DYM: variants seen among roughly 807,000 people sequenced by gnomAD.
The protein encoded by DYM is dyggve-Melchior-Clausen syndrome protein.
DYM carries 78 observed loss-of-function variants against 93.1 expected under a neutral mutation model. That is an observed-to-expected ratio of 0.84 (90% CI 0.70 to 1.01). DYM has a LOEUF of 1.01. Ranked by LOEUF, DYM falls within the 50% of genes least tolerant of loss-of-function variation. The probability of loss-of-function intolerance (pLI) is 0.00; values close to 1 mark genes in which losing one functional copy is unlikely to be tolerated. For missense variants in DYM, 789 were observed against 845.0 expected (o/e 0.93, Z 0.82); for synonymous variants, 321 against 319.7 (o/e 1.00, Z -0.04).
At chr18:49,231,025 A>G (rs1032218332) in intron 13 of DYM, among the ~76,000 whole-genome samples, 4 of 152,230 alleles carry the variant, frequency 2.6e-5, no homozygotes, top group Non-Finnish European at 5.9e-5. Context: ...CTAAAAGAAT[A>G]CTATTTTTCT....
rs540426081 is a variant in DYM at position 49,272,302 on chromosome 18, A to C, written c.1127T>G (p.Val376Gly). The change falls in exon 11 of 18, where the codon GTT (valine) becomes GGT (glycine). Residue 376 changes from valine (V) to glycine (G), a missense_variant and splice_region_variant. Physicochemically the swap from Val to Gly is moderately radical, Grantham distance 109 (BLOSUM62 -3). Around this residue, in one of 3 missense-constraint regions of DYM, gnomAD observed 450 missense variants for 436.2 expected, o/e 1.03. Coordinates refer to ENST00000675505, the MANE Select transcript of DYM (RefSeq NM_001353214.3). Reference protein sequence around the residue: ...MLARTDMENLVLPILEILYHV... With the variant: ...MLARTDMENLGLPILEILYHV... ...ATACAGAATCTCAAGAATTGGTAAA[A>C]CCTAGAGAATAAAAATTATAATTGA... 3.3e-6 allele frequency: 5 copies of C among 1,525,746 alleles called. No homozygotes were observed. In the East Asian group the frequency reaches 1.1e-4, roughly 34 times the overall value. The allele number at this position is 1,525,746 out of a possible 1,614,324, so 94.5% of individuals were successfully genotyped here.
chr18:49,133,516 G>A (rs1378741851), intron 15 of DYM, among the ~76,000 whole-genome samples: 2 of 152,232 alleles, frequency 1.3e-5, no homozygotes, highest in African/African-American at 4.8e-5. Flanking sequence ...TTTTCTGGGA[G>A]CTCAGGGAGA....
intron 8 of DYM, among the ~76,000 whole-genome samples, chr18:49,297,564 T>A (rs1020083265): frequency 1.3e-5 from 2 of 152,162 alleles, no homozygotes; most frequent in African/African-American, 4.8e-5. Flanking sequence ...AATAAAAAGT[T>A]TACCATTAAG....
At chr18:49,220,876 A>C (rs2093321923) in intron 13 of DYM, among the ~76,000 whole-genome samples, 1 of 152,244 alleles carries the variant, frequency 6.6e-6, no homozygotes, top group Admixed American at 6.5e-5. Flanking sequence ...CACCAAAAGC[A>C]ATGGCAACAA....
At chr18:49,272,639 C>T (rs1341207438) in intron 10 of DYM, among the ~76,000 whole-genome samples, 5 of 152,058 alleles carry the variant, frequency 3.3e-5, no homozygotes, top group African/African-American at 9.7e-5. Context: ...GTGGGAGTAG[C>T]GGGGAGAGCA....
At chr18:49,240,815 C>T (rs929830978) in intron 13 of DYM, among the ~76,000 whole-genome samples, 2 of 152,162 alleles carry the variant, frequency 1.3e-5, no homozygotes, top group African/African-American at 4.8e-5. Context: ...AGTAGAAGTG[C>T]ATTATGTGAG....
intron 6 of DYM, among the ~76,000 whole-genome samples, chr18:49,342,985 G>A (rs1481990061): frequency 6.6e-6 from 1 of 152,162 alleles, no homozygotes; most frequent in African/African-American, 2.4e-5. Flanking sequence ...ATGAAGCACA[G>A]CTTCAAATGG....
At chr18:49,102,768 G>C (rs1350804274) in intron 16 of DYM, among the ~76,000 whole-genome samples, 8 of 152,142 alleles carry the variant, frequency 5.3e-5, no homozygotes, top group Admixed American at 3.3e-4. Context: ...TGGCTGCATA[G>C]TATTCCATGG....
chr18:49,432,567 T>C (rs2080435612), intron 1 of DYM, among the ~76,000 whole-genome samples: 1 of 151,010 alleles, frequency 6.6e-6, no homozygotes, highest in South Asian at 2.1e-4. Context: ...AAAAATATTA[T>C]GGATTTATTC....
In DYM at chr18:49,129,172, C is replaced by T. The variant is rs190081644; in HGVS notation, c.1729-10246G>A. Among the ~76,000 whole-genome samples, 8 of 151,906 alleles carry T rather than the reference C, an allele frequency of 5.3e-5. No homozygotes were observed. The East Asian group carries it at 1.5e-3, about 29-fold the overall frequency. On this transcript the variant is annotated intron_variant, in intron 15 of 17. Coordinates refer to ENST00000675505, the MANE Select transcript of DYM (RefSeq NM_001353214.3). ...AGCTCCAAGTCCATGGAGAGAAGCT[C>T]CAGATTGGGTTCTAGTCCCAGTTTT...
intron 14 of DYM, among the ~76,000 whole-genome samples, chr18:49,178,575 C>T (rs934602706): frequency 6.6e-6 from 1 of 152,094 alleles, no homozygotes; most frequent in African/African-American, 2.4e-5. Context: ...AATGATGTAT[C>T]ACTTAAAGAT....
At chr18:49,192,122 TGAGACAGA>T (rs2091034181) in intron 14 of DYM, among the ~76,000 whole-genome samples, 1 of 96,724 alleles carries the variant, frequency 1.0e-5, no homozygotes, top group Admixed American at 1.1e-4. Context: ...TTTTTTTTTT[TGAGACAGA>T]GTCTTGCCTA....
chr18:49,419,205 C>T (rs949033017), intron 2 of DYM, among the ~76,000 whole-genome samples: 4 of 151,782 alleles, frequency 2.6e-5, no homozygotes, highest in East Asian at 1.9e-4. Flanking sequence ...TACTAAACTA[C>T]AAAAATTAGC....
chr18:49,356,617 T>C (rs111348643), intron 6 of DYM, among the ~76,000 whole-genome samples: 1,665 of 152,298 alleles, frequency 0.011, 29 homozygotes, highest in African/African-American at 0.038. Flanking sequence ...AGCTAGGCCC[T>C]TCGTTGCCAA....
chr18:49,286,354 A>C, intron 9 of DYM, 80 bp downstream of exon 9: 1 of 1,531,454 alleles, frequency 6.5e-7, no homozygotes, highest in South Asian at 1.1e-5. Context: ...CTCATCTCCA[A>C]AACTATAAGA....
intron 17 of DYM, among the ~76,000 whole-genome samples, chr18:49,058,799 A>C (rs2075715271): frequency 6.6e-6 from 1 of 152,218 alleles, no homozygotes; most frequent in East Asian, 1.9e-4. Context: ...TAATCAACAT[A>C]CTATAATAAG....
chr18:49,214,576 GA>G (rs2092940915), intron 13 of DYM, among the ~76,000 whole-genome samples: 2 of 149,742 alleles, frequency 1.3e-5, no homozygotes, highest in African/African-American at 4.9e-5. Context: ...AAAAAAAAAA[GA>G]TAAATTTGTT....
intron 5 of DYM, among the ~76,000 whole-genome samples, chr18:49,371,889 A>G (rs1449667351): frequency 6.6e-6 from 1 of 152,218 alleles, no homozygotes; most frequent in Non-Finnish European, 1.5e-5. Flanking sequence ...TTAGATTACA[A>G]ACTAAGAGCT....
At chr18:49,152,110 A>G (rs1162234264) in intron 15 of DYM, among the ~76,000 whole-genome samples, 1 of 152,200 alleles carries the variant, frequency 6.6e-6, no homozygotes, top group African/African-American at 2.4e-5. Flanking sequence ...CCAGATTTCA[A>G]TGCAAACACA....
Sources: gnomAD v4.1 joint callset for allele counts (sites outside exome capture counted in the v4.1 genomes callset) on GRCh38, gnomAD v4.1.1 for gene constraint, gnomAD v4.1.1 regional missense constraint, MANE v1.5 for transcripts, NCBI Gene and HGNC (gene_info 2026-07-23, HGNC 2026-07-21) for gene names.